The following TRIM55 variants were observed in gnomAD, a reference collection of about 807,000 sequenced individuals.
The protein encoded by TRIM55 is tripartite motif containing 55, also known as tripartite motif-containing protein 55.
A neutral mutation model predicts 60.9 loss-of-function variants in TRIM55; 50 were observed. That is an observed-to-expected ratio of 0.82 (90% CI 0.65 to 1.04). The LOEUF (loss-of-function observed/expected upper bound fraction) is 1.04. Ranked by LOEUF, TRIM55 falls within the 50% of genes least tolerant of loss-of-function variation. The pLI is 0.00. For missense variants in TRIM55, 681 were observed against 666.9 expected, an observed-to-expected ratio of 1.02 and a Z score of -0.23; for synonymous variants, 237 against 238.1, an observed-to-expected ratio of 1.00 and a Z score of 0.04.
chr8:66,175,187 G>A lies in TRIM55; in HGVS notation c.*594G>A, dbSNP rs1255821405. 1 of 152,630 alleles carries A rather than the reference G, an allele frequency of 6.6e-6. No homozygotes were observed. The highest frequency in any genetic ancestry group is 6.5e-5 in the Admixed American group (1 of 15,290). 9.5% of individuals were successfully genotyped at this position (152,630 alleles called of 1,614,324 possible). Reference sequence around the variant, plus strand: ...TGGTGACACTTTCATGGTCCAGAAAGCTGAAGGCCTGGGCATCTCTTGTGA... The same window carrying A: ...TGGTGACACTTTCATGGTCCAGAAAACTGAAGGCCTGGGCATCTCTTGTGA... On this transcript the variant is annotated 3_prime_UTR_variant, in exon 10 of 10. Transcript: ENST00000315962.
chr8:66,172,742 G>A (rs1032275632), intron 9 of TRIM55, among the ~76,000 whole-genome samples: 1 of 152,192 alleles, frequency 6.6e-6, no homozygotes, highest in African/African-American at 2.4e-5. Context: ...CTTCAACTAT[G>A]TCAGAACAGC....
chr8:66,136,849 C>G (rs141621886), intron 3 of TRIM55, among the ~76,000 whole-genome samples: 1 of 152,184 alleles, frequency 6.6e-6, no homozygotes, highest in Admixed American at 6.5e-5. Flanking sequence ...ACTTAGAATT[C>G]TTTAGCTTGA....
the TRIM55 span, among the ~76,000 whole-genome samples, chr8:66,120,831 G>A: frequency 7.3e-4 from 111 of 152,210 alleles, no homozygotes; most frequent in South Asian, 0.023. Context: ...CCTGAGTTCT[G>A]TGAGTCATTC....
chr8:66,138,352 C>T (rs777128515), intron 4 of TRIM55, among the ~76,000 whole-genome samples: 1 of 152,092 alleles, frequency 6.6e-6, no homozygotes, highest in Non-Finnish European at 1.5e-5. Context: ...TTTCATTCTG[C>T]TTCTTACTTT....
intron 2 of TRIM55, 137 bp downstream of exon 2, chr8:66,128,613 T>C (rs1808966906): frequency 1.1e-6 from 1 of 899,960 alleles, no homozygotes; most frequent in African/African-American, 1.7e-5. Flanking sequence ...TCCAAGTCAG[T>C]CCTTCCCAGT....
chr8:66,134,921 A>C, intron 2 of TRIM55, 69 bp from the exon 3 acceptor site: 2 of 1,504,388 alleles, frequency 1.3e-6, no homozygotes, highest in Non-Finnish European at 1.8e-6. Flanking sequence ...GCAGAGCAAC[A>C]TCAGCTCTGC....
Position 66,135,929 on chromosome 8 carries a change from A to G in TRIM55, c.507+774A>G, listed in dbSNP as rs367852188. ...AGGTGCAGCCACTCCAGGCACCGAG[A>G]ACTTGAGCAGTTCCACTACTCAGTT... On this transcript the variant is annotated intron_variant, in intron 3 of 9. Transcript: ENST00000315962. Among the ~76,000 whole-genome samples the G allele has an allele frequency of 1.6e-4, 24 of 152,268 alleles. 1 individual carries two copies. In the East Asian group the frequency reaches 3.3e-3, roughly 21 times the overall value.
the TRIM55 span, chr8:66,114,736 A>T: frequency 7.1e-6 from 3 of 423,078 alleles, no homozygotes; most frequent in Non-Finnish European, 1.4e-5. Context: ...GGCTCTGGGC[A>T]GATCCGAGGT....
the TRIM55 span, chr8:66,113,352 A>G: frequency 2.8e-5 from 10 of 360,948 alleles, no homozygotes; most frequent in South Asian, 1.6e-4. Flanking sequence ...GGGGACGCCG[A>G]CACACGTACA....
intron 9 of TRIM55, among the ~76,000 whole-genome samples, chr8:66,169,326 A>G (rs1440280296): frequency 3.3e-5 from 5 of 152,158 alleles, no homozygotes; most frequent in Non-Finnish European, 7.4e-5. Flanking sequence ...TATATTCCCT[A>G]TGCTAAGATC....
At chr8:66,114,095 T>A in the TRIM55 span, among the ~76,000 whole-genome samples, 5 of 58,818 alleles carry the variant, frequency 8.5e-5, no homozygotes, top group South Asian at 7.4e-4. Flanking sequence ...CCCCCCCCCA[T>A]TATTTTGTTG....
At chr8:66,144,329 G>A (rs1315416957) in intron 4 of TRIM55, among the ~76,000 whole-genome samples, 2 of 151,958 alleles carry the variant, frequency 1.3e-5, no homozygotes, top group East Asian at 3.8e-4. Flanking sequence ...TCCCTTTTTG[G>A]TATATTGCAT....
At chr8:66,123,777 G>T (rs1290849442), upstream of TRIM55, among the ~76,000 whole-genome samples, 1 of 152,200 alleles carries the variant, frequency 6.6e-6, no homozygotes, top group Non-Finnish European at 1.5e-5. Context: ...GGGATTGCTT[G>T]AGCCCAGGAA....
At position 66,150,477 on chromosome 8, in the gene TRIM55, CT is replaced by C; in HGVS notation, c.985+15del. ...TTGACTTTTACAGAGGTTTGTTATT[CT>C]TTTGACCATTTGGCCGAAGTTGCAG... On this transcript the variant is annotated intron_variant, in intron 7 of 9. Coordinates refer to ENST00000315962, the MANE Select transcript of TRIM55 (RefSeq NM_184085.2). The C allele has an allele frequency of 6.2e-7, 1 of 1,613,492 alleles. No homozygotes were observed. The highest frequency in any genetic ancestry group is 1.3e-5 in the African/African-American group (1 of 75,026).
chr8:66,131,404 C>T (rs939285573), intron 2 of TRIM55, among the ~76,000 whole-genome samples: 3 of 152,178 alleles, frequency 2.0e-5, no homozygotes, highest in South Asian at 4.1e-4. Flanking sequence ...TCACCAATGA[C>T]ATGTGCATAC....
At chr8:66,141,025 G>T (rs560085074) in intron 4 of TRIM55, among the ~76,000 whole-genome samples, 2 of 152,296 alleles carry the variant, frequency 1.3e-5, no homozygotes, top group Admixed American at 6.5e-5. Flanking sequence ...CCCTTTGGTG[G>T]CTGTGCTTTC....
chr8:66,141,808 G>T (rs1211019976), intron 4 of TRIM55, among the ~76,000 whole-genome samples: 2 of 152,154 alleles, frequency 1.3e-5, no homozygotes, highest in Non-Finnish European at 2.9e-5. Flanking sequence ...CAATGATTTT[G>T]CAGTGATAAC....
Position 66,127,206 on chromosome 8 carries a change from A to C in TRIM55, c.-63A>C. Reference sequence around the variant, plus strand: ...CACAATCCCTGGAATAATATCCAGGAAACACTTGCTGGAGCCACTCGCAGC... The same window carrying C: ...CACAATCCCTGGAATAATATCCAGGCAACACTTGCTGGAGCCACTCGCAGC... On this transcript the variant is annotated 5_prime_UTR_variant, in exon 1 of 10. Coordinates refer to ENST00000315962, the MANE Select transcript of TRIM55 (RefSeq NM_184085.2). 3 of 1,489,814 alleles carry C rather than the reference A, an allele frequency of 2.0e-6. No homozygotes were observed. Among genetic ancestry groups the C allele is most frequent in the Non-Finnish European group, 2.8e-6 (3 of 1,087,332 alleles). The allele number at this position is 1,489,814 out of a possible 1,614,324, so 92.3% of individuals were successfully genotyped here.
chr8:66,115,951 C>G, the TRIM55 span, among the ~76,000 whole-genome samples: 1 of 152,152 alleles, frequency 6.6e-6, no homozygotes, highest in Admixed American at 6.5e-5. Context: ...AATGCCATTT[C>G]CCTGGCAAAC....
Sources: gnomAD v4.1 joint callset for allele counts (sites outside exome capture counted in the v4.1 genomes callset) on GRCh38, gnomAD v4.1.1 for gene constraint, MANE v1.5 for transcripts, NCBI Gene and HGNC (gene_info 2026-07-23, HGNC 2026-07-21) for gene names.